Variants in DENND4A observed in about 807,000 individuals in gnomAD.
The protein encoded by DENND4A is DENN domain containing 4A.
DENND4A carries 70 observed loss-of-function variants against 199.3 expected under a neutral mutation model. That is an observed-to-expected ratio of 0.35 (90% CI 0.29 to 0.43). The LOEUF (loss-of-function observed/expected upper bound fraction) is 0.43. Ranked by LOEUF, DENND4A falls within the 20% of genes least tolerant of loss-of-function variation. The pLI is 1.00. For missense variants in DENND4A, 1,723 were observed against 2,255.8 expected (o/e 0.76, Z 4.78); for synonymous variants, 686 against 766.9 (o/e 0.89, Z 1.74).
At chr15:65,725,560 C>T (rs1438177178) in intron 11 of DENND4A, among the ~76,000 whole-genome samples, 1 of 151,800 alleles carries the variant, frequency 6.6e-6, no homozygotes, top group African/African-American at 2.4e-5. Flanking sequence ...ACCTGTGGTC[C>T]CAGCTACTCG....
At chr15:65,784,739 A>T (rs2077523298) in intron 1 of DENND4A, among the ~76,000 whole-genome samples, 1 of 152,084 alleles carries the variant, frequency 6.6e-6, no homozygotes, top group Non-Finnish European at 1.5e-5. Context: ...TTATGTGCAC[A>T]TTTTGATTCC....
At chr15:65,731,775 A>G in intron 8 of DENND4A, 75 bp from the exon 9 acceptor site, 1 of 1,042,282 alleles carries the variant, frequency 9.6e-7, no homozygotes, top group Admixed American at 2.5e-5. Context: ...TTAAAAATAT[A>G]TAAAATAATG....
At chr15:65,696,851 C>T in intron 21 of DENND4A, 1 of 309,732 alleles carries the variant, frequency 3.2e-6, no homozygotes, top group Non-Finnish European at 6.3e-6. Flanking sequence ...GGGTAATGTG[C>T]TGATGTCGTA....
At chr15:65,747,859 G>A (rs941465621) in intron 4 of DENND4A, among the ~76,000 whole-genome samples, 1 of 151,816 alleles carries the variant, frequency 6.6e-6, no homozygotes, top group Non-Finnish European at 1.5e-5. Context: ...TGACCAACGT[G>A]GTGAAACCCC....
intron 1 of DENND4A, among the ~76,000 whole-genome samples, chr15:65,770,649 G>A (rs985134509): frequency 6.6e-6 from 1 of 152,072 alleles, no homozygotes; most frequent in African/African-American, 2.4e-5. Flanking sequence ...CAAAGTTAAA[G>A]TTTTTGTTTT....
chr15:65,786,105 CTA>C (rs2077560093), intron 1 of DENND4A, among the ~76,000 whole-genome samples: 1 of 152,090 alleles, frequency 6.6e-6, no homozygotes, highest in Non-Finnish European at 1.5e-5. Context: ...CCTGGAGAAA[CTA>C]TGGCATGTTG....
intron 14 of DENND4A, among the ~76,000 whole-genome samples, chr15:65,713,978 C>G (rs867962854): frequency 6.6e-6 from 1 of 152,114 alleles, no homozygotes; most frequent in Non-Finnish European, 1.5e-5. Flanking sequence ...GACACATATA[C>G]TTACATCTAC....
chr15:65,767,403 G>T (rs1482778157), intron 1 of DENND4A: 3 of 152,158 alleles, frequency 2.0e-5, no homozygotes, highest in Non-Finnish European at 4.4e-5. Flanking sequence ...ACCTAGAACA[G>T]TACCTGGCAA....
At chr15:65,703,680 G>A (rs1193381336) in intron 15 of DENND4A, among the ~76,000 whole-genome samples, 1 of 152,208 alleles carries the variant, frequency 6.6e-6, no homozygotes, top group Non-Finnish European at 1.5e-5. Flanking sequence ...AAAGCTAGCA[G>A]CTAGGCTGGG....
At chr15:65,663,912 A>G (rs976529176) in intron 32 of DENND4A, among the ~76,000 whole-genome samples, 1 of 151,976 alleles carries the variant, frequency 6.6e-6, no homozygotes, top group Non-Finnish European at 1.5e-5. Flanking sequence ...TTGGCCTCCC[A>G]AAGTGCTGGG....
At chr15:65,690,362 G>C in intron 23 of DENND4A, 53 bp downstream of exon 23, 1 of 1,489,600 alleles carries the variant, frequency 6.7e-7, no homozygotes. Context: ...GCTTTTGGTG[G>C]TGATGGATAT....
intron 23 of DENND4A, among the ~76,000 whole-genome samples, chr15:65,678,401 C>T (rs901392585): frequency 1.3e-5 from 2 of 152,208 alleles, no homozygotes; most frequent in African/African-American, 4.8e-5. Context: ...GATACCTTTA[C>T]AAGACTGAAT....
Position 65,792,048 on chromosome 15 carries a change from G to A in DENND4A, c.-140C>T, listed in dbSNP as rs1318173451. 1 of 152,378 alleles carries A rather than the reference G, an allele frequency of 6.6e-6. No individual in the cohort carries two copies. The highest frequency in any genetic ancestry group is 2.1e-4 in the South Asian group (1 of 4,870). The allele number at this position is 152,378 out of a possible 1,614,324, so 9.4% of individuals were successfully genotyped here. Reference sequence around the variant, plus strand: ...CCCGTGCGAGCAGCGGATCGAGCTCGGAGAGCGGCGCCGGAATCCCGCACG... The same window carrying A: ...CCCGTGCGAGCAGCGGATCGAGCTCAGAGAGCGGCGCCGGAATCCCGCACG... On this transcript the variant is annotated 5_prime_UTR_variant, in exon 1 of 33. Transcript: ENST00000443035.
chr15:65,764,133 T>C (rs2076922930), intron 1 of DENND4A, among the ~76,000 whole-genome samples: 2 of 152,234 alleles, frequency 1.3e-5, no homozygotes, highest in Admixed American at 1.3e-4. Flanking sequence ...TCTGCTACAT[T>C]GTTTCTTAAT....
At chr15:65,743,982 T>C (rs924773921) in intron 4 of DENND4A, among the ~76,000 whole-genome samples, 2 of 152,108 alleles carry the variant, frequency 1.3e-5, no homozygotes, top group Admixed American at 6.6e-5. Flanking sequence ...TTATCTGACA[T>C]ACAGTTAAAA....
intron 12 of DENND4A, among the ~76,000 whole-genome samples, chr15:65,720,950 TATATATATATATATA>T (rs1567043882): frequency 7.2e-4 from 22 of 30,350 alleles, no homozygotes; most frequent in African/African-American, 1.7e-3. Flanking sequence ...TCATTGATTA[TATATATATATATATA>T]TATATATATA....
At chr15:65,682,753 G>A (rs2076623475) in intron 23 of DENND4A, among the ~76,000 whole-genome samples, 1 of 152,110 alleles carries the variant, frequency 6.6e-6, no homozygotes, top group African/African-American at 2.4e-5. Context: ...AAAAATGTGT[G>A]ACTCGTCCTT....
At chr15:65,697,165 T>C in intron 21 of DENND4A, 102 bp downstream of exon 21, 1 of 706,130 alleles carries the variant, frequency 1.4e-6, no homozygotes, top group Non-Finnish European at 2.3e-6. Flanking sequence ...AGAGTTATAA[T>C]GGAAAAATGG....
intron 14 of DENND4A, among the ~76,000 whole-genome samples, chr15:65,712,355 A>G (rs1232263564): frequency 6.6e-6 from 1 of 152,208 alleles, no homozygotes; most frequent in African/African-American, 2.4e-5. Flanking sequence ...AACGTGAATA[A>G]AACCCAGTTA....
Sources: allele counts gnomAD v4.1 joint callset (sites outside exome capture counted in the v4.1 genomes callset), GRCh38; gene constraint gnomAD v4.1.1; transcripts MANE v1.5; gene names NCBI Gene and HGNC (gene_info 2026-07-23, HGNC 2026-07-21).